The following CENPW variants were observed in gnomAD, a reference collection of about 807,000 sequenced individuals.
CENPW encodes the protein cancer-up-regulated gene 2 protein.
A neutral mutation model predicts 11.1 loss-of-function variants in CENPW; 3 were observed. The ratio of observed to expected loss-of-function variants is 0.27; its 90% CI spans 0.12 to 0.70. The LOEUF (loss-of-function observed/expected upper bound fraction) is 0.70, where lower values mean the gene tolerates loss of function less well. Among genes scored for constraint, CENPW ranks in the 30% least tolerant of loss-of-function variants. The probability of loss-of-function intolerance (pLI) is 0.77; values close to 1 mark genes in which losing one functional copy is unlikely to be tolerated. For missense variants in CENPW, 100 were observed against 105.6 expected (o/e 0.95, Z 0.23); for synonymous variants, 38 against 42.0 (o/e 0.91, Z 0.37).
intron 2 of CENPW, 24 bp from the exon 3 acceptor site, chr6:126,348,442 A>G: frequency 8.3e-7 from 1 of 1,201,736 alleles, no homozygotes; most frequent in African/African-American, 1.5e-5. Flanking sequence ...TATAATATGA[A>G]TCTTATTTTT....
At chr6:126,359,153 T>G in the CENPW span, among the ~76,000 whole-genome samples, 2 of 152,054 alleles carry the variant, frequency 1.3e-5, no homozygotes, top group African/African-American at 4.8e-5. Context: ...TTTCAAAAAA[T>G]ATTTTGATTT....
the CENPW span, among the ~76,000 whole-genome samples, chr6:126,441,737 G>A: frequency 6.6e-6 from 1 of 151,544 alleles, no homozygotes; most frequent in Non-Finnish European, 1.5e-5. Flanking sequence ...ACCTCACTTG[G>A]AATAATTGTC....
At chr6:126,447,747 T>C in the CENPW span, among the ~76,000 whole-genome samples, 1 of 151,114 alleles carries the variant, frequency 6.6e-6, no homozygotes, top group African/African-American at 2.4e-5. Flanking sequence ...GGCTCTATGA[T>C]TGCCATACAT....
the CENPW span, among the ~76,000 whole-genome samples, chr6:126,472,533 A>G: frequency 2.0e-5 from 3 of 152,226 alleles, no homozygotes; most frequent in Middle Eastern, 6.4e-3. Flanking sequence ...TTGCATAGAA[A>G]TGCCAAAATC....
the CENPW span, among the ~76,000 whole-genome samples, chr6:126,434,755 A>G: frequency 3.3e-5 from 5 of 152,052 alleles, no homozygotes; most frequent in Non-Finnish European, 7.4e-5. Context: ...TACAATACAT[A>G]TAATAAAATA....
chr6:126,384,427 A>G, the CENPW span, among the ~76,000 whole-genome samples: 6 of 152,158 alleles, frequency 3.9e-5, no homozygotes, highest in African/African-American at 7.2e-5. Context: ...ACAAAAACAG[A>G]CATATAGACC....
chr6:126,448,829 T>C, the CENPW span, among the ~76,000 whole-genome samples: 1 of 151,088 alleles, frequency 6.6e-6, no homozygotes, highest in Non-Finnish European at 1.5e-5. Context: ...AAAACAACAC[T>C]AAGCCTATAC....
the CENPW span, among the ~76,000 whole-genome samples, chr6:126,391,175 T>G: frequency 6.6e-6 from 1 of 152,048 alleles, no homozygotes; most frequent in East Asian, 1.9e-4. Flanking sequence ...TTAATTGACA[T>G]GAGATTATAT....
chr6:126,404,954 T>C, the CENPW span, among the ~76,000 whole-genome samples: 1 of 151,968 alleles, frequency 6.6e-6, no homozygotes. Context: ...TTCTGCAGGT[T>C]GTCTTTTCAC....
chr6:126,350,450 A>G (rs1780479068), downstream of CENPW, among the ~76,000 whole-genome samples: 1 of 152,102 alleles, frequency 6.6e-6, no homozygotes, highest in Non-Finnish European at 1.5e-5. Context: ...GCCTCCTTTT[A>G]AAGGACATTA....
intron 1 of CENPW, among the ~76,000 whole-genome samples, chr6:126,345,790 C>T (rs1043265722): frequency 1.3e-5 from 2 of 151,728 alleles, no homozygotes; most frequent in African/African-American, 4.8e-5. Flanking sequence ...AATCTTTGAC[C>T]TCAGATTGTA....
At chr6:126,390,348 G>A in the CENPW span, among the ~76,000 whole-genome samples, 1 of 151,798 alleles carries the variant, frequency 6.6e-6, no homozygotes, top group Admixed American at 6.6e-5. Context: ...TGGGTACATA[G>A]CAGGTGTATA....
the CENPW span, among the ~76,000 whole-genome samples, chr6:126,357,886 T>G: frequency 6.6e-6 from 1 of 152,158 alleles, no homozygotes; most frequent in Non-Finnish European, 1.5e-5. Flanking sequence ...GAATTACAGG[T>G]GTGAGCCACC....
At chr6:126,421,515 C>G in the CENPW span, among the ~76,000 whole-genome samples, 1 of 151,806 alleles carries the variant, frequency 6.6e-6, no homozygotes, top group East Asian at 1.9e-4. Context: ...CACATCCATT[C>G]TCCAACTTTA....
At chr6:126,475,478 T>C in the CENPW span, among the ~76,000 whole-genome samples, 816 of 152,212 alleles carry the variant, frequency 5.4e-3, 9 homozygotes, top group African/African-American at 0.018. Context: ...CAGTTCATTT[T>C]CATTTTCTCA....
the CENPW span, among the ~76,000 whole-genome samples, chr6:126,410,933 C>T: frequency 6.6e-6 from 1 of 152,008 alleles, no homozygotes. Context: ...CTCTACCTCA[C>T]TGCATTTTCT....
the CENPW span, among the ~76,000 whole-genome samples, chr6:126,389,927 A>G: frequency 6.6e-6 from 1 of 151,924 alleles, no homozygotes. Context: ...CCTGCAAGTA[A>G]AATGCTGCTG....
At chr6:126,377,292 T>C in the CENPW span, among the ~76,000 whole-genome samples, 1 of 152,188 alleles carries the variant, frequency 6.6e-6, no homozygotes, top group Non-Finnish European at 1.5e-5. Context: ...TTTTCACTAC[T>C]TTACATATTT....
the CENPW span, among the ~76,000 whole-genome samples, chr6:126,379,512 G>A: frequency 1.3e-5 from 2 of 152,258 alleles, no homozygotes; most frequent in Non-Finnish European, 2.9e-5. Context: ...TGAATTTAAT[G>A]CTCTTAATTT....
Sources: allele counts gnomAD v4.1 joint callset (sites outside exome capture counted in the v4.1 genomes callset), GRCh38; gene constraint gnomAD v4.1.1; transcripts MANE v1.5; gene names NCBI Gene and HGNC (gene_info 2026-07-23, HGNC 2026-07-21).